The following POC5 variants were observed in gnomAD, a reference collection of about 807,000 sequenced individuals.
POC5 encodes the protein centrosomal protein POC5.
POC5 carries 48 observed loss-of-function variants against 62.9 expected under a neutral mutation model. The ratio of observed to expected loss-of-function variants is 0.76; its 90% CI spans 0.61 to 0.97. The LOEUF is 0.97. Among genes scored for constraint, POC5 ranks in the 50% least tolerant of loss-of-function variants. The pLI is 0.00. For missense variants in POC5, 696 were observed against 679.5 expected, an observed-to-expected ratio of 1.02 and a Z score of -0.27; for synonymous variants, 236 against 228.2, an observed-to-expected ratio of 1.03 and a Z score of -0.31.
intron 10 of POC5, among the ~76,000 whole-genome samples, chr5:75,684,327 C>T (rs892019232): frequency 2.6e-4 from 39 of 151,562 alleles, no homozygotes; most frequent in African/African-American, 9.2e-4. Context: ...GTCTGTCCTT[C>T]ACTCTTTCTC....
At chr5:75,693,656 T>A (rs1279416933) in intron 6 of POC5, among the ~76,000 whole-genome samples, 1 of 152,222 alleles carries the variant, frequency 6.6e-6, no homozygotes, top group African/African-American at 2.4e-5. Flanking sequence ...TTCAATTTTA[T>A]ACGAAATCAA....
At chr5:75,712,261 A>G in intron 2 of POC5, 1 of 1,263,134 alleles carries the variant, frequency 7.9e-7, no homozygotes, top group Non-Finnish European at 1.1e-6. Context: ...CATTATTCTC[A>G]TATTTAAAAT....
At chr5:75,699,032 T>A (rs1776742548) in intron 5 of POC5, among the ~76,000 whole-genome samples, 1 of 152,042 alleles carries the variant, frequency 6.6e-6, no homozygotes, top group Non-Finnish European at 1.5e-5. Flanking sequence ...AAGTTGAATC[T>A]CTGAATAGAC....
At chr5:75,710,176 C>A (rs906492607) in intron 2 of POC5, among the ~76,000 whole-genome samples, 1 of 152,128 alleles carries the variant, frequency 6.6e-6, no homozygotes, top group African/African-American at 2.4e-5. Context: ...CTCAGGACTA[C>A]GTATCAGCTC....
At chr5:75,710,571 A>C (rs1777302245) in intron 2 of POC5, among the ~76,000 whole-genome samples, 1 of 152,242 alleles carries the variant, frequency 6.6e-6, no homozygotes, top group Non-Finnish European at 1.5e-5. Context: ...AGATACAGCA[A>C]GAAGGCACCT....
chr5:75,689,240 C>T, intron 8 of POC5, 75 bp from the exon 9 acceptor site: 1 of 1,416,542 alleles, frequency 7.1e-7, no homozygotes, highest in Non-Finnish European at 9.2e-7. Flanking sequence ...TAGATATATA[C>T]TTTGAGATTA....
At chr5:75,712,497 A>T (rs891637710) in intron 2 of POC5, 2 of 1,496,592 alleles carry the variant, frequency 1.3e-6, no homozygotes, top group Non-Finnish European at 1.8e-6. Context: ...AGAACTTTGG[A>T]TGGTTTGATA....
chr5:75,705,234 C>T (rs1777069642), intron 4 of POC5: 1 of 152,202 alleles, frequency 6.6e-6, no homozygotes, highest in Non-Finnish European at 1.5e-5. Context: ...AAACAATCCC[C>T]CCAAAAAGCC....
rs556198544 is a variant in POC5 at position 75,715,183 on chromosome 5, G to A, written c.-15+2123C>T. Among the ~76,000 whole-genome samples the A allele has an allele frequency of 4.6e-5, 7 of 152,008 alleles. No individual in the cohort carries two copies. The East Asian group carries it at 9.7e-4, about 21-fold the overall frequency. On this transcript the variant is annotated intron_variant, in intron 1 of 11. Transcript: ENST00000428202. ...AAATTAGCCTGGCGTGGTGGTGGGC[G>A]CCTGTAGTCCCAGCTACTTGGGAGG...
intron 2 of POC5, among the ~76,000 whole-genome samples, chr5:75,711,552 A>G (rs1561483988): frequency 6.6e-6 from 1 of 152,212 alleles, no homozygotes; most frequent in Non-Finnish European, 1.5e-5. Flanking sequence ...TTTACTACAT[A>G]TGTAAAAATG....
chr5:75,677,965 A>T lies in POC5; in HGVS notation c.1408-15T>A. The T allele has an allele frequency of 4.0e-6, 6 of 1,482,396 alleles. No homozygotes were observed. The highest frequency in any genetic ancestry group is 5.4e-6 in the Non-Finnish European group (6 of 1,112,748). 91.8% of individuals were successfully genotyped at this position (1,482,396 alleles called of 1,614,324 possible). On this transcript the variant is annotated splice_polypyrimidine_tract_variant and intron_variant, in intron 10 of 11. Coordinates refer to ENST00000428202, the MANE Select transcript of POC5 (RefSeq NM_001099271.2). ...CTTGGCACATACTAAGAAGAAAAAAAAATAAAAGAAGTAACAAGGTGGCAG... is the reference window on the plus strand; with the variant it reads ...CTTGGCACATACTAAGAAGAAAAAATAATAAAAGAAGTAACAAGGTGGCAG...
chr5:75,707,925 A>C, intron 2 of POC5, 50 bp from the exon 3 acceptor site: 1 of 1,446,810 alleles, frequency 6.9e-7, no homozygotes, highest in East Asian at 2.4e-5. Context: ...ACAATGTTAT[A>C]ATATATTCAA....
intron 5 of POC5, among the ~76,000 whole-genome samples, chr5:75,700,382 T>C (rs1776817046): frequency 6.6e-6 from 1 of 151,540 alleles, no homozygotes; most frequent in Non-Finnish European, 1.5e-5. Flanking sequence ...TATAGATCAA[T>C]GGAACAGAAC....
At position 75,685,279 on chromosome 5, in the gene POC5, G is replaced by A. The variant is rs531731919; in HGVS notation, c.1335C>T (p.Ser445=). The A allele has an allele frequency of 1.1e-5, 18 of 1,614,036 alleles. No individual in the cohort carries two copies. The Admixed American group carries it at 1.8e-4, about 16-fold the overall frequency. Residue 445 remains serine, a synonymous_variant, in exon 10 of 12, where the codon TCC becomes TCT. Coordinates refer to ENST00000428202, the MANE Select transcript of POC5 (RefSeq NM_001099271.2). The part of the protein sequence containing the change: ...AASMTSTRAA[S]ASSVHVPVSA... Reference sequence around the variant, plus strand: ...AAACAGGAACGTGAACAGAAGATGCGGAAGCAGCCCTGGTAGAAGTCATCG... The same window carrying A: ...AAACAGGAACGTGAACAGAAGATGCAGAAGCAGCCCTGGTAGAAGTCATCG...
chr5:75,702,590 A>G lies in POC5; in HGVS notation c.513+15T>C. 1 of 1,603,646 alleles carries G rather than the reference A, an allele frequency of 6.2e-7. No individual in the cohort carries two copies. Among genetic ancestry groups the G allele is most frequent in the Non-Finnish European group, 8.5e-7 (1 of 1,173,950 alleles). ...CATACTAAACAACTGTAATTGAAGAACTGCTGTACCGTACCTTAAGACCTG... is the reference window on the plus strand; with the variant it reads ...CATACTAAACAACTGTAATTGAAGAGCTGCTGTACCGTACCTTAAGACCTG... On this transcript the variant is annotated intron_variant, in intron 5 of 11. Coordinates refer to ENST00000428202, the MANE Select transcript of POC5 (RefSeq NM_001099271.2).
intron 1 of POC5, among the ~76,000 whole-genome samples, chr5:75,716,099 G>A (rs1742525955): frequency 6.6e-6 from 1 of 152,064 alleles, no homozygotes; most frequent in African/African-American, 2.4e-5. Flanking sequence ...AAGATACAGG[G>A]AAAAGTGCAA....
At position 75,676,664 on chromosome 5, in the gene POC5, T is replaced by C. The variant is rs181764829; in HGVS notation, c.1584+1110A>G. 4.9e-4 allele frequency among the ~76,000 whole-genome samples: 75 copies of C among 152,126 alleles called. No individual in the cohort carries two copies. In the East Asian group the frequency reaches 0.014, roughly 28 times the overall value. On this transcript the variant is annotated intron_variant, in intron 11 of 11. Transcript: ENST00000428202. ...AGAGGGCATTCTCTTTTAAAATCAG[T>C]CCCTGAAATCAGCTGGGGGTGGTGG...
At chr5:75,676,359 T>A (rs1561458347) in intron 11 of POC5, among the ~76,000 whole-genome samples, 1 of 152,234 alleles carries the variant, frequency 6.6e-6, no homozygotes, top group Non-Finnish European at 1.5e-5. Context: ...TTTCAGAGTC[T>A]GTCCAACTTA....
rs10038319 is a variant in POC5, at chr5:75,677,217, T to A, written c.1584+557A>T. 2.6e-5 allele frequency among the ~76,000 whole-genome samples: 4 copies of A among 152,172 alleles called. No homozygotes were observed. In the East Asian group the frequency reaches 7.7e-4, roughly 29 times the overall value. On this transcript the variant is annotated intron_variant, in intron 11 of 11. Transcript: ENST00000428202. ...CAAGTAGCAAAGCTGAAGCACTAAC[T>A]CGGGTTTTAAAATTTTTGCTTCAAA... is the stretch of plus-strand genomic sequence containing the variant.
Sources: allele counts gnomAD v4.1 joint callset (sites outside exome capture counted in the v4.1 genomes callset), GRCh38; gene constraint gnomAD v4.1.1; transcripts MANE v1.5; gene names NCBI Gene and HGNC (gene_info 2026-07-23, HGNC 2026-07-21).